GPD2: variants seen among roughly 807,000 people sequenced by gnomAD.
GPD2 encodes glycerol-3-phosphate dehydrogenase, mitochondrial.
A neutral mutation model predicts 82.4 loss-of-function variants in GPD2; 54 were observed. That is an observed-to-expected ratio of 0.66 (90% CI 0.53 to 0.82). The LOEUF is 0.82. GPD2 is among the 40% of genes least tolerant of loss of function. The probability of loss-of-function intolerance (pLI) is 0.00; values close to 1 mark genes in which losing one functional copy is unlikely to be tolerated. For missense variants in GPD2, 748 were observed against 896.2 expected (o/e 0.83, Z 2.11); for synonymous variants, 288 against 306.1 (o/e 0.94, Z 0.62).
intron 8 of GPD2, among the ~76,000 whole-genome samples, chr2:156,553,866 G>T (rs904623646): frequency 6.6e-6 from 1 of 152,118 alleles, no homozygotes; most frequent in African/African-American, 2.4e-5. Flanking sequence ...TTAGCTTTAG[G>T]TCTCCTGAAG....
At chr2:156,575,245 A>C (rs1687773123) in intron 13 of GPD2, among the ~76,000 whole-genome samples, 1 of 152,106 alleles carries the variant, frequency 6.6e-6, no homozygotes, top group Admixed American at 6.5e-5. Context: ...CAACCTAGAA[A>C]CTAATGGTCT....
chr2:156,573,953 G>A (rs140290558), intron 13 of GPD2, among the ~76,000 whole-genome samples: 264 of 152,316 alleles, frequency 1.7e-3, no homozygotes, highest in African/African-American at 6.2e-3. Context: ...TACTTAATGA[G>A]TGACTTGTAT....
rs374561161 is a variant in GPD2, at chr2:156,436,786, A to G, written c.-9+273A>G. 1.3e-4 allele frequency among the ~76,000 whole-genome samples: 20 copies of G among 152,292 alleles called. No individual in the cohort carries two copies. The East Asian group carries it at 2.1e-3, about 16-fold the overall frequency. On this transcript the variant is annotated intron_variant, in intron 1 of 16. Transcript: ENST00000438166. The stretch of plus-strand genomic sequence containing the variant: ...TGGTACCCCATTGAAAGTTCATGCA[A>G]ACTTTTAGCTTGTAGATGCGGCTAG...
At chr2:156,430,995 A>G (rs1298967349), upstream of GPD2, among the ~76,000 whole-genome samples, 1 of 152,256 alleles carries the variant, frequency 6.6e-6, no homozygotes, top group African/African-American at 2.4e-5. Flanking sequence ...TTCGTCTGAC[A>G]ACACAACAAA....
chr2:156,521,064 A>G (rs1267695028), intron 6 of GPD2, among the ~76,000 whole-genome samples: 1 of 152,152 alleles, frequency 6.6e-6, no homozygotes, highest in East Asian at 1.9e-4. Flanking sequence ...GGGTATATGT[A>G]CAAAAAGTTC....
chr2:156,477,767 C>T (rs1296808536), intron 2 of GPD2, among the ~76,000 whole-genome samples: 1 of 152,136 alleles, frequency 6.6e-6, no homozygotes, highest in Non-Finnish European at 1.5e-5. Context: ...TCTTCCTCAT[C>T]CATTGATCAT....
At chr2:156,509,599 A>C (rs945444065) in intron 3 of GPD2, among the ~76,000 whole-genome samples, 12 of 151,888 alleles carry the variant, frequency 7.9e-5, no homozygotes, top group African/African-American at 2.7e-4. Context: ...TGGCACTTGT[A>C]GTACTGATGG....
At chr2:156,534,839 C>T (rs1439946465) in intron 6 of GPD2, among the ~76,000 whole-genome samples, 1 of 151,278 alleles carries the variant, frequency 6.6e-6, no homozygotes, top group Non-Finnish European at 1.5e-5. Context: ...ACAGAGGATA[C>T]AGACAAGGAA....
intron 6 of GPD2, among the ~76,000 whole-genome samples, chr2:156,540,960 A>G (rs1332683908): frequency 1.3e-5 from 2 of 152,254 alleles, no homozygotes; most frequent in African/African-American, 4.8e-5. Context: ...TTTGTTTTTA[A>G]AAGTTATTTT....
chr2:156,482,329 C>G (rs1683761778), intron 2 of GPD2, among the ~76,000 whole-genome samples: 1 of 152,194 alleles, frequency 6.6e-6, no homozygotes, highest in East Asian at 1.9e-4. Flanking sequence ...CAATTGTTGA[C>G]TTAACCTCTC....
intron 2 of GPD2, chr2:156,495,625 A>G (rs1684341633): frequency 2.2e-6 from 1 of 462,578 alleles, no homozygotes; most frequent in Admixed American, 2.5e-5. Context: ...GTGTGGAAAG[A>G]CATGAAGTCC....
At chr2:156,423,049 C>A in the GPD2 span, among the ~76,000 whole-genome samples, 1 of 152,090 alleles carries the variant, frequency 6.6e-6, no homozygotes, top group African/African-American at 2.4e-5. Flanking sequence ...TGTAATTTAT[C>A]TTTACAGTAA....
chr2:156,508,029 A>G (rs978950752), intron 3 of GPD2, among the ~76,000 whole-genome samples: 2 of 152,076 alleles, frequency 1.3e-5, no homozygotes, highest in African/African-American at 4.8e-5. Context: ...CATCTTGGCT[A>G]TAGTTAATCT....
upstream of GPD2, among the ~76,000 whole-genome samples, chr2:156,433,347 G>A (rs1688340134): frequency 6.6e-6 from 1 of 152,100 alleles, no homozygotes; most frequent in African/African-American, 2.4e-5. Flanking sequence ...CAGTGCTTGA[G>A]ATATTTTGCA....
At chr2:156,561,196 C>T (rs535839599) in intron 9 of GPD2, among the ~76,000 whole-genome samples, 23 of 151,552 alleles carry the variant, frequency 1.5e-4, no homozygotes, top group Non-Finnish European at 2.7e-4. Flanking sequence ...TACAGGCACA[C>T]GCCACCACAC....
chr2:156,449,302 A>G (rs1161251237), intron 1 of GPD2, among the ~76,000 whole-genome samples: 1 of 152,180 alleles, frequency 6.6e-6, no homozygotes, highest in East Asian at 1.9e-4. Context: ...ATTTCATTCT[A>G]GGGTGCTAGA....
the GPD2 span, among the ~76,000 whole-genome samples, chr2:156,413,022 T>A: frequency 1.3e-4 from 19 of 150,450 alleles, no homozygotes; most frequent in African/African-American, 4.6e-4. Context: ...ACATGAGCCC[T>A]GGAGGTTGAG....
At chr2:156,425,947 C>G in the GPD2 span, among the ~76,000 whole-genome samples, 2 of 145,078 alleles carry the variant, frequency 1.4e-5, no homozygotes, top group Admixed American at 6.9e-5. Context: ...TTTTGAGACA[C>G]AGTTTCACTC....
At chr2:156,515,218 T>C (rs1685155267) in intron 6 of GPD2, among the ~76,000 whole-genome samples, 1 of 152,028 alleles carries the variant, frequency 6.6e-6, no homozygotes, top group Non-Finnish European at 1.5e-5. Flanking sequence ...AAGACCAACA[T>C]GGCGAATCCT....
Sources: gnomAD v4.1 joint callset for allele counts (sites outside exome capture counted in the v4.1 genomes callset) on GRCh38, gnomAD v4.1.1 for gene constraint, MANE v1.5 for transcripts, NCBI Gene and HGNC (gene_info 2026-07-23, HGNC 2026-07-21) for gene names.